CLHC1: variants seen among roughly 807,000 people sequenced by gnomAD.
CLHC1 encodes the protein clathrin heavy chain linker domain-containing protein 1.
A neutral mutation model predicts 69.5 loss-of-function variants in CLHC1; 72 were observed. The observed-to-expected ratio is 1.04, with a 90% CI of 0.86 to 1.26. The LOEUF is 1.26. CLHC1 is among the 50% of genes most tolerant of loss of function. The pLI is 0.00. For synonymous variants in CLHC1, 223 were observed against 224.3 expected, an observed-to-expected ratio of 0.99 and a Z score of 0.05; for missense variants, 790 against 679.3, an observed-to-expected ratio of 1.16 and a Z score of -1.81.
At position 55,222,238 on chromosome 2, in the gene CLHC1, A is replaced by G. The variant is rs199899301; in HGVS notation, c.174T>C (p.Asp58=). 4.3e-6 allele frequency: 7 copies of G among 1,610,426 alleles called. No homozygotes were observed. The East Asian group carries it at 1.3e-4, about 31-fold the overall frequency. Residue 58 remains aspartate, a synonymous_variant, in exon 3 of 13, where the codon GAT becomes GAC. Coordinates refer to ENST00000401408, the MANE Select transcript of CLHC1 (RefSeq NM_152385.4). The stretch of plus-strand genomic sequence containing the variant: ...TGTCTTAAAAGCTTTATGATACCTT[A>G]TCAAAAACATTTCGGTATATGATGT... ...EYYIIYRNVF[D]KVIEHITAYK... is the part of the protein sequence containing the mutation.
intron 4 of CLHC1, chr2:55,215,234 A>T (rs1314148036): frequency 1.3e-5 from 2 of 152,246 alleles, no homozygotes; most frequent in Non-Finnish European, 2.9e-5. Flanking sequence ...ATTTTTAAAA[A>T]ATCTTTCCAA....
At chr2:55,177,351 A>T (rs910398613) in intron 12 of CLHC1, among the ~76,000 whole-genome samples, 1 of 152,212 alleles carries the variant, frequency 6.6e-6, no homozygotes, top group African/African-American at 2.4e-5. Context: ...AGTGTTAGTG[A>T]TCATAATTAT....
chr2:55,184,757 T>C (rs1276096584), intron 9 of CLHC1, among the ~76,000 whole-genome samples: 2 of 151,826 alleles, frequency 1.3e-5, no homozygotes, highest in Non-Finnish European at 2.9e-5. Context: ...ATACAAAAAT[T>C]AGCCAGGTGT....
Position 55,180,561 on chromosome 2 carries a change from G to A in CLHC1, c.1333C>T (p.Gln445Ter), listed in dbSNP as rs746176986. 4 of 1,614,094 alleles carry A rather than the reference G, an allele frequency of 2.5e-6. No individual in the cohort carries two copies. The highest frequency in any genetic ancestry group is 3.4e-6 in the Non-Finnish European group (4 of 1,179,990). ...KAILCLCKQGQTHRVMEYIQQ... is the reference protein window; with the variant it reads ...KAILCLCKQG The stretch of plus-strand genomic sequence containing the variant: ...ATGTACTCCATGACCCTATGAGTCT[G>A]ACCCTGTTTACACAAGCAAAGAATA... Residue 445 changes from glutamine (Q) to a stop codon, truncating the protein, a stop_gained, in exon 11 of 13, where the codon CAG becomes TAG. Transcript: ENST00000401408. LOFTEE classifies it high-confidence loss of function.
At chr2:55,176,021 C>A (rs564328541) in intron 12 of CLHC1, 35 bp from the exon 13 acceptor site, 1 of 1,511,238 alleles carries the variant, frequency 6.6e-7, no homozygotes, top group South Asian at 1.1e-5. Flanking sequence ...TAGTATGGCA[C>A]TTATTTGATA....
intron 11 of CLHC1, among the ~76,000 whole-genome samples, chr2:55,179,668 C>T (rs1669727428): frequency 6.6e-6 from 1 of 152,042 alleles, no homozygotes; most frequent in Admixed American, 6.6e-5. Flanking sequence ...TCAGCAATGC[C>T]TGTACTTACA....
intron 9 of CLHC1, among the ~76,000 whole-genome samples, chr2:55,192,673 T>C (rs1387980023): frequency 6.6e-6 from 1 of 152,128 alleles, no homozygotes; most frequent in Non-Finnish European, 1.5e-5. Context: ...AAATAAACTC[T>C]AAATATTTAT....
At chr2:55,193,317 G>T (rs982427378) in intron 9 of CLHC1, among the ~76,000 whole-genome samples, 9 of 151,854 alleles carry the variant, frequency 5.9e-5, no homozygotes, top group Non-Finnish European at 8.8e-5. Flanking sequence ...AAAGAAACCA[G>T]TGAAACACTT....
At chr2:55,183,127 A>C (rs1663877068) in intron 9 of CLHC1, among the ~76,000 whole-genome samples, 1 of 152,192 alleles carries the variant, frequency 6.6e-6, no homozygotes, top group Non-Finnish European at 1.5e-5. Flanking sequence ...AGAGTAGCAG[A>C]GTAAAGAAGA....
intron 6 of CLHC1, 31 bp from the exon 7 acceptor site, chr2:55,209,547 T>A (rs759466445): frequency 2.5e-6 from 4 of 1,577,984 alleles, no homozygotes; most frequent in Non-Finnish European, 3.5e-6. Context: ...AATAACACAC[T>A]GAGCCTAAAA....
At chr2:55,210,487 C>T (rs376463681) in intron 5 of CLHC1, among the ~76,000 whole-genome samples, 1 of 152,082 alleles carries the variant, frequency 6.6e-6, no homozygotes, top group Non-Finnish European at 1.5e-5. Context: ...TGAGCCACCA[C>T]ACCCAGCCTC....
chr2:55,209,878 C>T (rs17039586), intron 5 of CLHC1, 47 bp from the exon 6 acceptor site: 90,500 of 1,249,276 alleles, frequency 0.072, 4,052 homozygotes, highest in Admixed American at 0.17. Context: ...ATGTGTGGGA[C>T]GCTTGTGCTC....
chr2:55,222,227 TATG>T lies in CLHC1; in HGVS notation c.177+5_177+7del, dbSNP rs1013998510. 3.1e-6 allele frequency: 5 copies of T among 1,604,468 alleles called. No homozygotes were observed. The highest frequency in any genetic ancestry group is 4.3e-6 in the Non-Finnish European group (5 of 1,172,110). On this transcript the variant is annotated splice_donor_5th_base_variant and intron_variant, in intron 3 of 12. Coordinates refer to ENST00000401408, the MANE Select transcript of CLHC1 (RefSeq NM_152385.4). Reference sequence around the variant, plus strand: ...GAAAACTTAATTGTCTTAAAAGCTTTATGATACCTTATCAAAAACATTTCGGTA... The same window carrying T: ...GAAAACTTAATTGTCTTAAAAGCTTTATACCTTATCAAAAACATTTCGGTA...
At chr2:55,182,718 C>T (rs528533475) in intron 9 of CLHC1, among the ~76,000 whole-genome samples, 7 of 152,238 alleles carry the variant, frequency 4.6e-5, no homozygotes, top group African/African-American at 9.6e-5. Context: ...AATTAAAGTA[C>T]GAGCAAATTC....
intron 10 of CLHC1, 53 bp downstream of exon 10, chr2:55,181,517 A>C (rs1669929781): frequency 1.5e-6 from 2 of 1,357,360 alleles, no homozygotes; most frequent in African/African-American, 2.9e-5. Context: ...TTTAGAACAA[A>C]CAACTTTATT....
At chr2:55,190,229 A>G (rs1284263023) in intron 9 of CLHC1, among the ~76,000 whole-genome samples, 1 of 145,418 alleles carries the variant, frequency 6.9e-6, no homozygotes, top group Non-Finnish European at 1.5e-5. Flanking sequence ...GTATTTTTTT[A>G]GTAGAGACGT....
At position 55,209,817 on chromosome 2, in the gene CLHC1, C is replaced by A; in HGVS notation, c.514G>T (p.Glu172Ter). The A allele has an allele frequency of 6.2e-7, 1 of 1,605,870 alleles. No individual in the cohort carries two copies. The highest frequency in any genetic ancestry group is 1.1e-5 in the South Asian group (1 of 90,860). Reference sequence around the variant, plus strand: ...GTGAGAGCATCTAGATTCATGGATTCTTGAAGAGTCATGCCTATGGGGAAA... The same window carrying A: ...GTGAGAGCATCTAGATTCATGGATTATTGAAGAGTCATGCCTATGGGGAAA... ...SKPIPGMTLQ[E>*]SMNLDALTKY... The change falls in exon 6 of 13, where the codon GAA becomes TAA. Residue 172 changes from glutamate to a stop codon, truncating the protein, a stop_gained. Coordinates refer to ENST00000401408, the MANE Select transcript of CLHC1 (RefSeq NM_152385.4). LOFTEE classifies it high-confidence loss of function.
intron 9 of CLHC1, among the ~76,000 whole-genome samples, chr2:55,195,834 CA>C (rs966924985): frequency 2.0e-5 from 3 of 151,582 alleles, no homozygotes; most frequent in African/African-American, 7.3e-5. Flanking sequence ...AGAACAAAAA[CA>C]AAAAAAACTA....
In CLHC1 at chr2:55,175,719, TA is replaced by T. The variant is rs1669322647; in HGVS notation, c.*70del. 4.8e-6 allele frequency: 5 copies of T among 1,034,818 alleles called. No individual in the cohort carries two copies. In the East Asian group the frequency reaches 1.2e-4, roughly 25 times the overall value. 64.1% of individuals were successfully genotyped at this position (1,034,818 alleles called of 1,614,324 possible). A position where few individuals can be genotyped will look rare whatever the true frequency, so the allele number is the denominator to read the frequency against. The stretch of plus-strand genomic sequence containing the variant: ...AGATTTATTTATAAGTTAGTTACGT[TA>T]AAATCAGTTTTTCCCAACCAGCATA... On this transcript the variant is annotated 3_prime_UTR_variant, in exon 13 of 13. Coordinates refer to ENST00000401408, the MANE Select transcript of CLHC1 (RefSeq NM_152385.4).
Sources: gnomAD v4.1 joint callset for allele counts (sites outside exome capture counted in the v4.1 genomes callset) on GRCh38, gnomAD v4.1.1 for gene constraint, MANE v1.5 for transcripts, NCBI Gene and HGNC (gene_info 2026-07-23, HGNC 2026-07-21) for gene names.